The following RBFOX1 variants were observed in gnomAD, a reference collection of about 807,000 sequenced individuals.
RBFOX1 encodes the protein RNA binding protein fox-1 homolog 1.
RBFOX1 carries 8 observed loss-of-function variants against 57.7 expected under a neutral mutation model. The ratio of observed to expected loss-of-function variants is 0.14; its 90% confidence interval spans 0.08 to 0.25. The LOEUF is 0.25. RBFOX1 is among the 10% of genes least tolerant of loss of function. RBFOX1 has a pLI of 1.00. For synonymous variants in RBFOX1, 326 were observed against 222.4 expected (o/e 1.47, Z -4.15); for missense variants, 611 against 548.5 (o/e 1.11, Z -1.14).
intron 4 of RBFOX1, among the ~76,000 whole-genome samples, chr16:5,914,239 C>G (rs1435325288): frequency 6.6e-6 from 1 of 152,192 alleles, no homozygotes; most frequent in Non-Finnish European, 1.5e-5. Flanking sequence ...TATTTATTTT[C>G]TGTTACATAA....
At chr16:5,735,047 C>T (rs181974403) in intron 3 of RBFOX1, among the ~76,000 whole-genome samples, 2 of 152,272 alleles carry the variant, frequency 1.3e-5, no homozygotes, top group East Asian at 3.9e-4. Context: ...ATGTGAAGTC[C>T]ACAGTGGTAG....
In RBFOX1 at chr16:7,253,990, A is replaced by G. The variant is rs182199599; in HGVS notation, c.27+201892A>G. Among the ~76,000 whole-genome samples the G allele has an allele frequency of 2.0e-4, 30 of 152,304 alleles. No individual in the cohort carries two copies. In the East Asian group the frequency reaches 2.3e-3, roughly 12 times the overall value. ...CAGCAAAGGAAGAATTGCCTTGAAA[A>G]TACGTTATGGTGTTAGCAGGGATGG... On this transcript the variant is annotated intron_variant, in intron 4 of 15. Coordinates refer to ENST00000550418, the MANE Select transcript of RBFOX1 (RefSeq NM_018723.4).
intron 1 of RBFOX1, among the ~76,000 whole-genome samples, chr16:6,127,781 C>T (rs1195325418): frequency 6.6e-6 from 1 of 152,154 alleles, no homozygotes; most frequent in East Asian, 1.9e-4. Flanking sequence ...AGTTGAGTGA[C>T]ATTGACTTGC....
At chr16:6,855,991 A>G (rs4131915) in intron 3 of RBFOX1, among the ~76,000 whole-genome samples, 32,597 of 151,930 alleles carry the variant, frequency 0.21, 4,403 homozygotes, top group Admixed American at 0.36. Flanking sequence ...ATACAGGCCT[A>G]TTGATCCTCC....
intron 3 of RBFOX1, among the ~76,000 whole-genome samples, chr16:6,761,123 C>T (rs970005635): frequency 6.6e-6 from 1 of 152,098 alleles, no homozygotes; most frequent in Non-Finnish European, 1.5e-5. Context: ...ACTGACAATG[C>T]CTTAGAAATT....
Position 5,969,171 on chromosome 16 carries a change from G to C in RBFOX1, c.351+101836G>C, listed in dbSNP as rs141644297. Among the ~76,000 whole-genome samples the C allele has an allele frequency of 2.3e-3, 352 of 152,050 alleles. 2 individuals are homozygous for C. Among genetic ancestry groups the C allele is most frequent in the African/African-American group, 7.8e-3 (324 of 41,514 alleles). On this transcript the variant is annotated intron_variant, in intron 4 of 19. Coordinates refer to the RBFOX1 transcript ENST00000641259. ...GCATGTTTTGAAATAGAATGTTGCA[G>C]CATTGATCTTATTTTTGACAATGCC...
intron 3 of RBFOX1, among the ~76,000 whole-genome samples, chr16:5,657,629 T>C (rs1031813654): frequency 5.3e-4 from 32 of 60,914 alleles, no homozygotes; most frequent in Non-Finnish European, 9.3e-4. Flanking sequence ...TCTCTCTTTC[T>C]TTCTTTCTTT....
At chr16:5,455,560 A>G (rs1047701045) in intron 1 of RBFOX1, among the ~76,000 whole-genome samples, 1 of 152,172 alleles carries the variant, frequency 6.6e-6, no homozygotes, top group Non-Finnish European at 1.5e-5. Flanking sequence ...TAAGGTAACC[A>G]CATACATTTT....
chr16:5,872,560 C>G (rs2057500039), intron 4 of RBFOX1, among the ~76,000 whole-genome samples: 1 of 151,776 alleles, frequency 6.6e-6, no homozygotes, highest in Admixed American at 6.6e-5. Flanking sequence ...TGAGGAAGAA[C>G]CGAATCTCTA....
chr16:6,781,776 A>G (rs1354085891), intron 3 of RBFOX1, among the ~76,000 whole-genome samples: 1 of 151,944 alleles, frequency 6.6e-6, no homozygotes, highest in African/African-American at 2.4e-5. Context: ...ATATTTTCTT[A>G]GCTCTGATTT....
intron 3 of RBFOX1, among the ~76,000 whole-genome samples, chr16:6,689,054 T>C (rs566280312): frequency 2.0e-5 from 3 of 152,330 alleles, no homozygotes; most frequent in Non-Finnish European, 2.9e-5. Context: ...GCATTTGGGT[T>C]GGTTGCAAGT....
intron 3 of RBFOX1, among the ~76,000 whole-genome samples, chr16:6,659,559 AG>A (rs1364514955): frequency 6.6e-6 from 1 of 152,160 alleles, no homozygotes; most frequent in East Asian, 1.9e-4. Flanking sequence ...AAGGAAGCTC[AG>A]GCACATTTAA....
chr16:6,133,851 GCTTAC>G (rs1870506408), intron 1 of RBFOX1, among the ~76,000 whole-genome samples: 1 of 152,040 alleles, frequency 6.6e-6, no homozygotes, highest in Admixed American at 6.6e-5. Context: ...ACACACGTTT[GCTTAC>G]CTAGTCTACT....
chr16:7,622,077 G>A (rs75149898), intron 10 of RBFOX1, among the ~76,000 whole-genome samples: 101 of 152,224 alleles, frequency 6.6e-4, no homozygotes, highest in Non-Finnish European at 9.9e-4. Flanking sequence ...TACAAAAATA[G>A]GTGGGGGCTC....
Position 7,504,743 on chromosome 16 carries a change from A to ATATATATATT in RBFOX1, c.28-13395_28-13394insTTATATATAT, listed in dbSNP as rs1567554084. On this transcript the variant is annotated intron_variant, in intron 4 of 15. Transcript: ENST00000550418. ...TATATATATATATATATATATATAT[A>ATATATATATT]TATATATATATTTATATATATATAT... Among the ~76,000 whole-genome samples, 127 of 14,954 alleles carry ATATATATATT rather than the reference A, an allele frequency of 8.5e-3. 7 individuals are homozygous for ATATATATATT. Among genetic ancestry groups the ATATATATATT allele is most frequent in the Non-Finnish European group, 0.012 (90 of 7,580 alleles). The allele number at this position is 14,954 out of a possible 152,430, so 9.8% of individuals were successfully genotyped here. A position where few individuals can be genotyped will look rare whatever the true frequency, so the allele number is the denominator to read the frequency against.
chr16:5,951,758 A>G (rs1269784447), intron 4 of RBFOX1, among the ~76,000 whole-genome samples: 5 of 151,788 alleles, frequency 3.3e-5, no homozygotes, highest in South Asian at 2.1e-4. Flanking sequence ...ACGTTTGAGT[A>G]TCTTTAAAGG....
intron 1 of RBFOX1, among the ~76,000 whole-genome samples, chr16:5,291,553 G>T (rs912540911): frequency 7.3e-6 from 1 of 136,294 alleles, no homozygotes; most frequent in African/African-American, 2.7e-5. Flanking sequence ...CATGTGTCAC[G>T]CGCCTGGCCG....
chr16:5,570,404 A>T (rs770822099), intron 2 of RBFOX1, among the ~76,000 whole-genome samples: 30 of 152,268 alleles, frequency 2.0e-4, no homozygotes, highest in Non-Finnish European at 4.3e-4. Context: ...GGACTCATTC[A>T]TGTTAGTTAG....
At chr16:6,640,871 A>G (rs571111110) in intron 2 of RBFOX1, among the ~76,000 whole-genome samples, 5 of 152,248 alleles carry the variant, frequency 3.3e-5, no homozygotes, top group African/African-American at 1.2e-4. Flanking sequence ...GCCAAGACCC[A>G]AAACAAGCAA....
Sources: allele counts gnomAD v4.1 joint callset (sites outside exome capture counted in the v4.1 genomes callset), GRCh38; gene constraint gnomAD v4.1.1; transcripts MANE v1.5; gene names NCBI Gene and HGNC (gene_info 2026-07-23, HGNC 2026-07-21).